CLSTN2: variants seen among roughly 807,000 people sequenced by gnomAD.
CLSTN2 encodes calsyntenin-2.
A neutral mutation model predicts 101.2 loss-of-function variants in CLSTN2; 48 were observed. That is an observed-to-expected ratio of 0.47 (90% CI 0.38 to 0.60). CLSTN2 has a LOEUF of 0.60. CLSTN2 is among the 20% of genes least tolerant of loss of function. The pLI, the probability that CLSTN2 is intolerant of heterozygous loss-of-function variation, is 0.00. For synonymous variants in CLSTN2, 481 were observed against 463.6 expected, an observed-to-expected ratio of 1.04 and a Z score of -0.48; for missense variants, 1,160 against 1,238.2, an observed-to-expected ratio of 0.94 and a Z score of 0.95.
chr3:140,213,089 A>G lies in CLSTN2; in HGVS notation c.232+37016A>G, dbSNP rs555916868. ...CATTAGCACTTTTCCTTTCATTTTT[A>G]ATACCAGAAGTAATATATGAACATG... On this transcript the variant is annotated intron_variant, in intron 2 of 16. Transcript: ENST00000458420. Among the ~76,000 whole-genome samples the G allele has an allele frequency of 4.0e-4, 61 of 152,354 alleles. 2 individuals are homozygous for G. The South Asian group carries it at 0.013, about 32-fold the overall frequency.
chr3:140,318,504 T>G (rs1388147362), intron 2 of CLSTN2, among the ~76,000 whole-genome samples: 1 of 152,182 alleles, frequency 6.6e-6, no homozygotes, highest in Non-Finnish European at 1.5e-5. Flanking sequence ...CCCTCTCGTA[T>G]GTCTATGTCT....
chr3:140,062,826 T>A (rs2008230045), intron 1 of CLSTN2, among the ~76,000 whole-genome samples: 1 of 152,200 alleles, frequency 6.6e-6, no homozygotes, highest in South Asian at 2.1e-4. Flanking sequence ...GAACCAGGGT[T>A]CTTAAACACC....
chr3:140,009,237 A>G lies in CLSTN2; in HGVS notation c.109+73754A>G, dbSNP rs575188482. Reference sequence around the variant, plus strand: ...ATTTTCTGTTCTTTCCTGAAGCCCCATTTTCTGATTCCAAGTGTCGATCTT... The same window carrying G: ...ATTTTCTGTTCTTTCCTGAAGCCCCGTTTTCTGATTCCAAGTGTCGATCTT... On this transcript the variant is annotated intron_variant, in intron 1 of 16. Coordinates refer to ENST00000458420, the MANE Select transcript of CLSTN2 (RefSeq NM_022131.3). 3.6e-4 allele frequency among the ~76,000 whole-genome samples: 55 copies of G among 152,206 alleles called. 1 individual carries two copies. The South Asian group carries it at 9.1e-3, about 25-fold the overall frequency.
chr3:140,037,818 T>G (rs1395624316), intron 1 of CLSTN2, among the ~76,000 whole-genome samples: 1 of 152,204 alleles, frequency 6.6e-6, no homozygotes, highest in Non-Finnish European at 1.5e-5. Context: ...GTTCATGTGT[T>G]AGTTTGCTGA....
rs1002274913 is a variant in CLSTN2 at position 140,571,045 on chromosome 3, G to A, written c.*4792G>A. ...AACTGACAGATATTCCACGAGAGTT[G>A]AAAGCCTTGGATCGAGGTGATTGCC... On this transcript the variant is annotated 3_prime_UTR_variant, in exon 17 of 17. Transcript: ENST00000458420. The A allele has an allele frequency of 6.6e-6, 1 of 152,268 alleles. No homozygotes were observed. The highest frequency in any genetic ancestry group is 2.4e-5 in the African/African-American group (1 of 41,464). The allele number at this position is 152,268 out of a possible 1,614,324, so 9.4% of individuals were successfully genotyped here. A position where few individuals can be genotyped will look rare whatever the true frequency, so the allele number is the denominator to read the frequency against.
intron 2 of CLSTN2, among the ~76,000 whole-genome samples, chr3:140,283,543 G>A (rs1204590497): frequency 6.6e-6 from 1 of 152,114 alleles, no homozygotes; most frequent in Non-Finnish European, 1.5e-5. Flanking sequence ...TAGGGGATGG[G>A]CACGAGGTCA....
intron 1 of CLSTN2, among the ~76,000 whole-genome samples, chr3:140,005,839 A>G (rs949110958): frequency 6.6e-6 from 1 of 152,226 alleles, no homozygotes; most frequent in Non-Finnish European, 1.5e-5. Context: ...ATCAGCTGGT[A>G]AGGTATGTGG....
At chr3:140,375,866 G>A (rs2087911866) in intron 2 of CLSTN2, among the ~76,000 whole-genome samples, 1 of 152,144 alleles carries the variant, frequency 6.6e-6, no homozygotes, top group Non-Finnish European at 1.5e-5. Context: ...GCAGAATCAT[G>A]AGGAAACTAG....
At chr3:140,421,397 A>G (rs1947644496) in intron 5 of CLSTN2, 123 bp downstream of exon 5, 2 of 1,180,648 alleles carry the variant, frequency 1.7e-6, no homozygotes, top group East Asian at 2.4e-5. Context: ...GCTGTGAGAA[A>G]TAAAGTAGCT....
chr3:140,097,296 G>C (rs768842497), intron 1 of CLSTN2, among the ~76,000 whole-genome samples: 3 of 152,164 alleles, frequency 2.0e-5, no homozygotes, highest in Non-Finnish European at 4.4e-5. Context: ...CTGTCTCCAA[G>C]CACAGTGGTC....
At chr3:140,470,855 T>A (rs1933828452) in intron 8 of CLSTN2, among the ~76,000 whole-genome samples, 1 of 152,148 alleles carries the variant, frequency 6.6e-6, no homozygotes, top group Non-Finnish European at 1.5e-5. Context: ...ACAGACATGT[T>A]TGAACAGTGG....
At chr3:140,125,833 C>G (rs2009420468) in intron 1 of CLSTN2, among the ~76,000 whole-genome samples, 1 of 151,944 alleles carries the variant, frequency 6.6e-6, no homozygotes, top group Non-Finnish European at 1.5e-5. Flanking sequence ...AGAGCACAAT[C>G]CAAGGGGGTG....
At chr3:140,429,154 T>G (rs139527510) in intron 5 of CLSTN2, among the ~76,000 whole-genome samples, 1 of 152,208 alleles carries the variant, frequency 6.6e-6, no homozygotes, top group African/African-American at 2.4e-5. Context: ...TTATTGGCAT[T>G]GTGAGAGACA....
intron 2 of CLSTN2, among the ~76,000 whole-genome samples, chr3:140,237,668 A>C (rs985899535): frequency 3.3e-5 from 5 of 152,094 alleles, no homozygotes; most frequent in Non-Finnish European, 7.4e-5. Context: ...CATTTACCTT[A>C]TTTATTTCTG....
chr3:140,242,279 A>G (rs1171011830), intron 2 of CLSTN2, among the ~76,000 whole-genome samples: 2 of 152,184 alleles, frequency 1.3e-5, no homozygotes, highest in Admixed American at 1.3e-4. Flanking sequence ...AGTTTACTTG[A>G]GAAAGACTAA....
chr3:140,227,667 A>G (rs1559812223), intron 2 of CLSTN2, among the ~76,000 whole-genome samples: 1 of 152,136 alleles, frequency 6.6e-6, no homozygotes, highest in Non-Finnish European at 1.5e-5. Context: ...AAGGACCCCA[A>G]CCCTGTGCAA....
chr3:140,375,112 G>A (rs1479852), intron 2 of CLSTN2, among the ~76,000 whole-genome samples: 59,438 of 152,152 alleles, frequency 0.39, 12,893 homozygotes, highest in East Asian at 0.9. Context: ...TAGCTGAGGG[G>A]AGATGTAGTT....
At chr3:140,098,064 A>C (rs912235951) in intron 1 of CLSTN2, among the ~76,000 whole-genome samples, 16 of 152,220 alleles carry the variant, frequency 1.1e-4, no homozygotes, top group Non-Finnish European at 1.9e-4. Flanking sequence ...TCTATTCAGC[A>C]TAACAGCCAA....
chr3:140,556,654 A>G lies in CLSTN2; in HGVS notation c.1816A>G (p.Lys606Glu), dbSNP rs376157497. 9.8e-5 allele frequency: 158 copies of G among 1,613,926 alleles called. 1 individual carries two copies. The Middle Eastern group carries it at 7.1e-3, about 73-fold the overall frequency. ...TGTGCGGCGCCTCAAAGTATCCTCC[A>G]AAGTCCAGTGAGTGGACGCTGGTCA... ...AGVRRLKVSS[K>E]VQCFGEDVCI... is the part of the protein sequence containing the mutation. Residue 606 changes from lysine to glutamate, a missense_variant, in exon 11 of 17, where the codon AAA becomes GAA. Lys to Glu is a moderately conservative substitution (Grantham distance 56). Coordinates refer to ENST00000458420, the MANE Select transcript of CLSTN2 (RefSeq NM_022131.3).
Sources: allele counts gnomAD v4.1 joint callset (sites outside exome capture counted in the v4.1 genomes callset), GRCh38; gene constraint gnomAD v4.1.1; transcripts MANE v1.5; gene names NCBI Gene and HGNC (gene_info 2026-07-23, HGNC 2026-07-21).